The following PLA2G4A variants were observed in gnomAD, a reference collection of about 807,000 sequenced individuals.
PLA2G4A encodes cytosolic phospholipase A2.
PLA2G4A carries 40 observed loss-of-function variants against 81.9 expected under a neutral mutation model. That is an observed-to-expected ratio of 0.49 (90% CI 0.38 to 0.64). The LOEUF is 0.64. Ranked by LOEUF, PLA2G4A falls within the 30% of genes least tolerant of loss-of-function variation. PLA2G4A has a pLI of 0.00. For missense variants in PLA2G4A, 715 were observed against 905.1 expected, an observed-to-expected ratio of 0.79 and a Z score of 2.69; for synonymous variants, 302 against 296.9, an observed-to-expected ratio of 1.02 and a Z score of -0.18.
chr1:186,966,967 T>C (rs936671286), intron 15 of PLA2G4A, among the ~76,000 whole-genome samples: 2 of 152,180 alleles, frequency 1.3e-5, no homozygotes, highest in Non-Finnish European at 2.9e-5. Flanking sequence ...ATGTAGGATT[T>C]TTTTGTAGGT....
chr1:186,965,533 T>C lies in PLA2G4A; in HGVS notation c.1704T>C (p.Val568=). 6.2e-7 allele frequency: 1 copy of C among 1,613,470 alleles called. No homozygotes were observed. Among genetic ancestry groups the C allele is most frequent in the Non-Finnish European group, 8.5e-7 (1 of 1,179,346 alleles). ...TGATACTGAGACCTCAGAGAGGGGT[T>C]GATCTCATAATCTCCTTTGACTTTT... is the stretch of plus-strand genomic sequence containing the variant. ...YPLILRPQRG[V]DLIISFDFSA... Residue 568 remains valine (V), a synonymous_variant, in exon 15 of 18, where the codon GTT becomes GTC. Transcript: ENST00000367466.
intron 14 of PLA2G4A, among the ~76,000 whole-genome samples, chr1:186,962,474 G>T (rs1196890513): frequency 7.2e-6 from 1 of 138,076 alleles, no homozygotes; most frequent in East Asian, 2.1e-4. Context: ...TCTATACTTT[G>T]TAGTTATTTT....
At chr1:186,831,903 C>A (rs780749035) in intron 1 of PLA2G4A, among the ~76,000 whole-genome samples, 3 of 152,050 alleles carry the variant, frequency 2.0e-5, no homozygotes, top group Admixed American at 6.5e-5. Flanking sequence ...ACTGTTCATG[C>A]TGTTTTGTAA....
chr1:186,875,672 T>A (rs1653466986), intron 3 of PLA2G4A, among the ~76,000 whole-genome samples: 1 of 152,090 alleles, frequency 6.6e-6, no homozygotes, highest in South Asian at 2.1e-4. Context: ...TGTGTGATAT[T>A]TGACTGTGTG....
chr1:186,936,857 A>G (rs1437754982), intron 8 of PLA2G4A, among the ~76,000 whole-genome samples: 1 of 151,964 alleles, frequency 6.6e-6, no homozygotes, highest in African/African-American at 2.4e-5. Context: ...AGATTTTTAT[A>G]TAAATAAACC....
chr1:186,923,410 GAAAAATGA>G (rs940487876), intron 7 of PLA2G4A, among the ~76,000 whole-genome samples: 1 of 152,176 alleles, frequency 6.6e-6, no homozygotes, highest in Non-Finnish European at 1.5e-5. Context: ...CCTCAAAACA[GAAAAATGA>G]TATTACAAAT....
chr1:186,941,937 G>A (rs1021133687), intron 10 of PLA2G4A, among the ~76,000 whole-genome samples: 4 of 152,160 alleles, frequency 2.6e-5, no homozygotes, highest in African/African-American at 9.7e-5. Flanking sequence ...GCCAAAAAAT[G>A]AGACAAAGTA....
At chr1:186,947,610 TAAAGC>T (rs1272994604) in intron 12 of PLA2G4A, among the ~76,000 whole-genome samples, 2 of 152,186 alleles carry the variant, frequency 1.3e-5, no homozygotes, top group East Asian at 1.9e-4. Context: ...AAATTTGACT[TAAAGC>T]AAACAAAAAA....
chr1:186,848,126 C>T (rs1652251622), intron 1 of PLA2G4A, among the ~76,000 whole-genome samples: 1 of 152,032 alleles, frequency 6.6e-6, no homozygotes, highest in Non-Finnish European at 1.5e-5. Context: ...CACAAGCCCC[C>T]AGCTGGAGTA....
intron 7 of PLA2G4A, among the ~76,000 whole-genome samples, chr1:186,929,267 C>T (rs1352318624): frequency 6.6e-6 from 1 of 152,188 alleles, no homozygotes. Context: ...GTATTATCTG[C>T]ACTCCTCACT....
chr1:186,875,004 T>A (rs1335656120), intron 3 of PLA2G4A, among the ~76,000 whole-genome samples: 1 of 152,110 alleles, frequency 6.6e-6, no homozygotes, highest in Non-Finnish European at 1.5e-5. Flanking sequence ...GCTTCTTAAA[T>A]TATAATGTCC....
intron 3 of PLA2G4A, among the ~76,000 whole-genome samples, chr1:186,874,469 G>C (rs529778813): frequency 6.6e-6 from 1 of 152,158 alleles, no homozygotes; most frequent in South Asian, 2.1e-4. Flanking sequence ...TCCCTGCTAT[G>C]AGATTAGATA....
In PLA2G4A at chr1:186,870,534, C is replaced by G; in HGVS notation, c.115+18C>G. 2 of 1,543,322 alleles carry G rather than the reference C, an allele frequency of 1.3e-6. No individual in the cohort carries two copies. Among genetic ancestry groups the G allele is most frequent in the Non-Finnish European group, 1.8e-6 (2 of 1,117,446 alleles). ...TGACATGCGTAAGTGCCCTTTTTTT[C>G]TTTGCTGTTAAACATGTAATTATGG... On this transcript the variant is annotated intron_variant, in intron 3 of 17. Transcript: ENST00000367466.
At chr1:186,852,796 C>T (rs990830943) in intron 1 of PLA2G4A, among the ~76,000 whole-genome samples, 5 of 151,846 alleles carry the variant, frequency 3.3e-5, no homozygotes, top group African/African-American at 7.3e-5. Flanking sequence ...AACTATAGCA[C>T]TAAAGTAGTT....
chr1:186,899,429 G>T (rs12409076), intron 5 of PLA2G4A, among the ~76,000 whole-genome samples: 39,352 of 152,006 alleles, frequency 0.26, 5,553 homozygotes, highest in Admixed American at 0.4. Context: ...TAAAGAAAGG[G>T]TGTGGTTGAG....
At chr1:186,951,863 G>C (rs10737276) in intron 13 of PLA2G4A, among the ~76,000 whole-genome samples, 145,644 of 152,040 alleles carry the variant, frequency 0.96, 69,802 homozygotes, top group East Asian at 1. Context: ...GGCTTGGCTA[G>C]ATGAGTGCAA....
intron 1 of PLA2G4A, among the ~76,000 whole-genome samples, chr1:186,847,754 T>C (rs1434872667): frequency 6.6e-6 from 1 of 152,016 alleles, no homozygotes; most frequent in Non-Finnish European, 1.5e-5. Context: ...CCCTCTTCCC[T>C]TGGGGTGGAG....
intron 15 of PLA2G4A, among the ~76,000 whole-genome samples, chr1:186,969,247 A>G (rs1338614582): frequency 1.5e-5 from 2 of 136,992 alleles, no homozygotes; most frequent in Non-Finnish European, 3.1e-5. Flanking sequence ...TCTCTTTTTC[A>G]TATCAGTTTT....
intron 3 of PLA2G4A, among the ~76,000 whole-genome samples, chr1:186,874,461 C>A (rs1653397246): frequency 6.6e-6 from 1 of 151,976 alleles, no homozygotes; most frequent in Non-Finnish European, 1.5e-5. Context: ...TGTTTCACTC[C>A]CTGCTATGAG....
Sources: gnomAD v4.1 joint callset for allele counts (sites outside exome capture counted in the v4.1 genomes callset) on GRCh38, gnomAD v4.1.1 for gene constraint, MANE v1.5 for transcripts, NCBI Gene and HGNC (gene_info 2026-07-23, HGNC 2026-07-21) for gene names.